Variants in TRUB1 observed in about 807,000 individuals in gnomAD.
TRUB1 encodes the protein pseudouridylate synthase TRUB1.
In TRUB1, 23 loss-of-function variants were observed where a neutral mutation model predicts 33.9. The observed-to-expected ratio is 0.68, with a 90% CI of 0.49 to 0.96. The LOEUF (loss-of-function observed/expected upper bound fraction) is 0.96, where lower values mean the gene tolerates loss of function less well. Among genes scored for constraint, TRUB1 ranks in the 40% least tolerant of loss-of-function variants. The pLI is 0.00. For missense variants in TRUB1, 378 were observed against 422.2 expected, an observed-to-expected ratio of 0.90 and a Z score of 0.92; for synonymous variants, 163 against 165.4, an observed-to-expected ratio of 0.99 and a Z score of 0.11.
intron 4 of TRUB1, among the ~76,000 whole-genome samples, chr10:114,962,045 A>G (rs913844522): frequency 2.0e-5 from 3 of 152,240 alleles, no homozygotes; most frequent in African/African-American, 7.2e-5. Context: ...AATTTATAAT[A>G]AAGTAGGTGC....
intron 4 of TRUB1, chr10:114,960,068 A>G: frequency 2.6e-6 from 1 of 381,298 alleles, no homozygotes; most frequent in East Asian, 4.8e-5. Flanking sequence ...ACCTCCTTGC[A>G]AAAGCATGTA....
intron 3 of TRUB1, among the ~76,000 whole-genome samples, chr10:114,959,405 T>A (rs1478606441): frequency 2.6e-5 from 4 of 152,186 alleles, no homozygotes. Context: ...CTTGAACATT[T>A]TCCTTAAACA....
At chr10:114,951,021 C>A in intron 2 of TRUB1, 73 bp from the exon 3 acceptor site, 1 of 1,366,008 alleles carries the variant, frequency 7.3e-7, no homozygotes. Flanking sequence ...AAATTATGAC[C>A]AAAAAATATA....
chr10:114,946,547 G>C (rs556979333), intron 2 of TRUB1, among the ~76,000 whole-genome samples: 4 of 152,104 alleles, frequency 2.6e-5, no homozygotes, highest in South Asian at 2.1e-4. Flanking sequence ...TCATCATGTT[G>C]ACCAGGGTGG....
Position 114,974,347 on chromosome 10 carries a change from G to C in TRUB1, c.755G>C (p.Gly252Ala). Residue 252 changes from glycine to alanine, a missense_variant, in exon 7 of 8, where the codon GGT becomes GCT. By Grantham distance (60) the Gly-to-Ala change is moderately conservative. Transcript: ENST00000298746. ...FFTLDVECGG[G>A]FYIRSLVSDI... ...ATTCCAGATGTTGAATGTGGAGGAG[G>C]TTTTTATATCAGAAGCTTGGTCAGT... The C allele has an allele frequency of 6.2e-7, 1 of 1,612,840 alleles. No individual in the cohort carries two copies. The highest frequency in any genetic ancestry group is 8.5e-7 in the Non-Finnish European group (1 of 1,179,170).
intron 1 of TRUB1, 135 bp from the exon 2 acceptor site, chr10:114,942,510 T>G (rs2084192391): frequency 3.4e-6 from 2 of 583,330 alleles, no homozygotes; most frequent in Non-Finnish European, 6.1e-6. Flanking sequence ...GAGGTCATAG[T>G]CTCTTAACAT....
intron 3 of TRUB1, among the ~76,000 whole-genome samples, chr10:114,955,969 TTTTG>T (rs1168953940): frequency 1.1e-4 from 16 of 152,212 alleles, no homozygotes; most frequent in African/African-American, 3.9e-4. Flanking sequence ...AATATCCCTA[TTTTG>T]TTTGTGAAGG....
intron 2 of TRUB1, among the ~76,000 whole-genome samples, chr10:114,945,707 A>G (rs1473752370): frequency 6.6e-6 from 1 of 152,080 alleles, no homozygotes; most frequent in Non-Finnish European, 1.5e-5. Flanking sequence ...CTCATCAGCT[A>G]TCGTTAGTGT....
chr10:114,969,155 G>A (rs1276664433), intron 4 of TRUB1, among the ~76,000 whole-genome samples: 3 of 149,680 alleles, frequency 2.0e-5, no homozygotes, highest in Non-Finnish European at 4.4e-5. Flanking sequence ...AACACGGTCA[G>A]GTACAGTGGC....
chr10:114,960,171 T>C (rs2084279499), intron 4 of TRUB1, among the ~76,000 whole-genome samples: 1 of 152,100 alleles, frequency 6.6e-6, no homozygotes, highest in African/African-American at 2.4e-5. Context: ...AAAAAAAATA[T>C]ATTACCTGTC....
rs949318503 is a variant in TRUB1 at position 114,976,747 on chromosome 10, C to T, written c.*1368C>T. 1.5e-5 allele frequency: 2 copies of T among 136,404 alleles called. No individual in the cohort carries two copies. The highest frequency in any genetic ancestry group is 7.0e-5 in the Admixed American group (1 of 14,306). The allele number at this position is 136,404 out of a possible 1,614,324, so 8.4% of individuals were successfully genotyped here. On this transcript the variant is annotated 3_prime_UTR_variant, in exon 8 of 8. Coordinates refer to ENST00000298746, the MANE Select transcript of TRUB1 (RefSeq NM_139169.5). ...TATATATGCATCAGTACAGCATTTT[C>T]AACATATTGGCAACATATTTTAAAT...
intron 3 of TRUB1, among the ~76,000 whole-genome samples, chr10:114,954,384 C>T (rs2084252095): frequency 1.3e-5 from 2 of 152,156 alleles, no homozygotes; most frequent in Admixed American, 1.3e-4. Flanking sequence ...GAATCTTCTT[C>T]AACATGGTGC....
chr10:114,946,149 G>A (rs1021618988), intron 2 of TRUB1, among the ~76,000 whole-genome samples: 1 of 152,074 alleles, frequency 6.6e-6, no homozygotes, highest in African/African-American at 2.4e-5. Flanking sequence ...CTGGCTACTG[G>A]CTGCTTTAGT....
chr10:114,964,158 A>G (rs1417078401), intron 4 of TRUB1, among the ~76,000 whole-genome samples: 2 of 152,162 alleles, frequency 1.3e-5, no homozygotes, highest in Admixed American at 6.5e-5. Context: ...TTAGCTATTA[A>G]TAGTGTTTTT....
intron 5 of TRUB1, among the ~76,000 whole-genome samples, chr10:114,971,616 G>T (rs539933144): frequency 6.6e-6 from 1 of 152,126 alleles, no homozygotes; most frequent in African/African-American, 2.4e-5. Flanking sequence ...TGTGATTATT[G>T]CAAGGATTTT....
intron 3 of TRUB1, among the ~76,000 whole-genome samples, chr10:114,952,570 T>C (rs7904605): frequency 0.54 from 81,940 of 152,074 alleles, 24,348 homozygotes; most frequent in African/African-American, 0.77. Context: ...TTAAAAAGCC[T>C]CGGAGAACAT....
At position 114,959,422 on chromosome 10, in the gene TRUB1, T is replaced by C. The variant is rs185718036; in HGVS notation, c.442-304T>C. ...TGAACATTTTCCTTAAACAAACTTC[T>C]CAGTATAAAGGTGGTTTGAGAAATT... is the stretch of plus-strand genomic sequence containing the variant. On this transcript the variant is annotated intron_variant, in intron 3 of 7. Transcript: ENST00000298746. 3.0e-3 allele frequency among the ~76,000 whole-genome samples: 450 copies of C among 152,326 alleles called. 2 individuals carry two copies. The highest frequency in any genetic ancestry group is 4.2e-3 in the Non-Finnish European group (286 of 68,034).
chr10:114,947,413 T>G (rs55657535), intron 2 of TRUB1, among the ~76,000 whole-genome samples: 1,779 of 152,336 alleles, frequency 0.012, 21 homozygotes, highest in Non-Finnish European at 0.019. Context: ...TCACTTAAAA[T>G]GTAAATAAAA....
At chr10:114,949,759 AG>A (rs1292714580) in intron 2 of TRUB1, among the ~76,000 whole-genome samples, 2 of 152,060 alleles carry the variant, frequency 1.3e-5, no homozygotes, top group African/African-American at 4.8e-5. Flanking sequence ...ATGGAAAGGA[AG>A]GGGGGTCTGT....
Sources: allele counts gnomAD v4.1 joint callset (sites outside exome capture counted in the v4.1 genomes callset), GRCh38; gene constraint gnomAD v4.1.1; transcripts MANE v1.5; gene names NCBI Gene and HGNC (gene_info 2026-07-23, HGNC 2026-07-21).